Variants in SPECC1L observed in about 807,000 individuals in gnomAD.
The protein encoded by SPECC1L is cytospin-A.
Under a neutral mutation model 116.8 loss-of-function variants are expected in SPECC1L, and 40 were observed. The observed-to-expected ratio is 0.34, with a 90% CI of 0.27 to 0.45. The LOEUF (loss-of-function observed/expected upper bound fraction) is 0.45, where lower values mean the gene tolerates loss of function less well. SPECC1L is among the 20% of genes least tolerant of loss of function. SPECC1L has a pLI of 1.00. For synonymous variants in SPECC1L, 504 were observed against 500.6 expected (o/e 1.01, Z -0.09); for missense variants, 1,110 against 1,373.6 (o/e 0.81, Z 3.03).
At chr22:24,317,317 C>T (rs1277957250) in intron 4 of SPECC1L, among the ~76,000 whole-genome samples, 9 of 113,840 alleles carry the variant, frequency 7.9e-5, no homozygotes, top group Non-Finnish European at 1.4e-4. Flanking sequence ...GGGGGCTGAC[C>T]CCCCCCACCT....
At chr22:24,295,075 G>A (rs1569408494) in intron 2 of SPECC1L, among the ~76,000 whole-genome samples, 1 of 151,414 alleles carries the variant, frequency 6.6e-6, no homozygotes, top group Non-Finnish European at 1.5e-5. Flanking sequence ...GGAGCTTCCT[G>A]TGTGGCTGTG....
chr22:24,394,178 A>G (rs1320917985), intron 14 of SPECC1L, among the ~76,000 whole-genome samples: 12 of 152,002 alleles, frequency 7.9e-5, no homozygotes, highest in Admixed American at 7.2e-4. Flanking sequence ...TGTCTTAGTC[A>G]GTTTGGACTA....
At chr22:24,344,246 A>G (rs2041241915) in intron 10 of SPECC1L, among the ~76,000 whole-genome samples, 1 of 152,162 alleles carries the variant, frequency 6.6e-6, no homozygotes, top group Non-Finnish European at 1.5e-5. Context: ...GAATCCAGCA[A>G]TATATAAAAA....
chr22:24,321,643 G>A lies in SPECC1L; in HGVS notation c.663G>A (p.Glu221=), dbSNP rs1160198914. The A allele has an allele frequency of 6.2e-7, 1 of 1,614,090 alleles. No individual in the cohort carries two copies. Among genetic ancestry groups the A allele is most frequent in the East Asian group, 2.2e-5 (1 of 44,898 alleles). ...TGGGCATTAATGAGGATCATTCTGA[G>A]GGTGATGAAAAATCTGAGAAGGAAA... is the stretch of plus-strand genomic sequence containing the variant. ...AQLGINEDHS[E]GDEKSEKETI... The change falls in exon 5 of 17, where the codon GAG becomes GAA. Residue 221 remains glutamate, a synonymous_variant. Transcript: ENST00000314328.
intron 14 of SPECC1L, among the ~76,000 whole-genome samples, chr22:24,394,110 G>A (rs1456861869): frequency 3.3e-5 from 5 of 152,146 alleles, no homozygotes; most frequent in African/African-American, 1.2e-4. Context: ...GTTGTTTCCA[G>A]TTATTGCTTA....
intron 4 of SPECC1L, among the ~76,000 whole-genome samples, chr22:24,319,536 A>G (rs1399852571): frequency 1.3e-5 from 2 of 152,244 alleles, no homozygotes; most frequent in African/African-American, 2.4e-5. Context: ...TAATTTTCAT[A>G]AAATGTACTT....
chr22:24,392,573 T>A (rs529751891), intron 14 of SPECC1L, among the ~76,000 whole-genome samples: 1 of 152,358 alleles, frequency 6.6e-6, no homozygotes, highest in East Asian at 1.9e-4. Context: ...TTTGTAAAGA[T>A]GCCCTGTTGC....
At chr22:24,355,445 A>T (rs768634217) in intron 11 of SPECC1L, among the ~76,000 whole-genome samples, 31 of 146,940 alleles carry the variant, frequency 2.1e-4, no homozygotes, top group African/African-American at 8.1e-4. Context: ...CTGTCTGTCT[A>T]CCTACCTATC....
intron 2 of SPECC1L, among the ~76,000 whole-genome samples, chr22:24,279,478 C>T (rs2048900674): frequency 6.6e-6 from 1 of 152,206 alleles, no homozygotes; most frequent in Non-Finnish European, 1.5e-5. Context: ...ATCCCCTTGC[C>T]TCGGCCTCCC....
At chr22:24,342,444 G>A (rs1471301213) in intron 10 of SPECC1L, among the ~76,000 whole-genome samples, 2 of 151,972 alleles carry the variant, frequency 1.3e-5, no homozygotes, top group East Asian at 3.9e-4. Context: ...GCCAAGGCAG[G>A]TGGATCACCT....
chr22:24,285,261 T>C lies in SPECC1L; in HGVS notation c.-38+8458T>C, dbSNP rs1323280743. Among the ~76,000 whole-genome samples, 3 of 152,232 alleles carry C rather than the reference T, an allele frequency of 2.0e-5. No individual in the cohort carries two copies. In the East Asian group the frequency reaches 5.8e-4, roughly 29 times the overall value. The stretch of plus-strand genomic sequence containing the variant: ...TAGGATAAAGGGAAATTTGTCCTTC[T>C]GGTTGTAGTGGGAAGGAAAGGAGAT... On this transcript the variant is annotated intron_variant, in intron 2 of 16. Transcript: ENST00000314328.
chr22:24,294,386 T>G (rs2049216451), intron 2 of SPECC1L, among the ~76,000 whole-genome samples: 1 of 139,520 alleles, frequency 7.2e-6, no homozygotes, highest in Admixed American at 7.0e-5. Context: ...TCCTAGTCCT[T>G]TTTTTTTTTT....
intron 14 of SPECC1L, among the ~76,000 whole-genome samples, chr22:24,383,700 G>A (rs961456329): frequency 2.0e-5 from 3 of 150,174 alleles, no homozygotes; most frequent in South Asian, 4.2e-4. Flanking sequence ...ACAATGGTGC[G>A]ATCTCGGCTT....
chr22:24,348,420 C>T (rs1186327972), intron 11 of SPECC1L, among the ~76,000 whole-genome samples: 1 of 152,160 alleles, frequency 6.6e-6, no homozygotes, highest in Non-Finnish European at 1.5e-5. Context: ...GGCCCTATAC[C>T]TGTCAGTCTT....
chr22:24,292,031 G>A (rs916834142), intron 2 of SPECC1L, among the ~76,000 whole-genome samples: 2 of 152,204 alleles, frequency 1.3e-5, no homozygotes, highest in African/African-American at 4.8e-5. Context: ...AGTAGTGACA[G>A]CAATCAAGAT....
At position 24,415,137 on chromosome 22, in the gene SPECC1L, G is replaced by C. The variant is rs542775746; in HGVS notation, c.*514G>C. On this transcript the variant is annotated 3_prime_UTR_variant, in exon 17 of 17. Transcript: ENST00000314328. ...CCCTTCACCGTCCTAGTTTGGAGGA[G>C]CATGTTCACCACAGACGTGGGTCAG... is the stretch of plus-strand genomic sequence containing the variant. The C allele has an allele frequency of 3.6e-5, 7 of 195,032 alleles. No homozygotes were observed. In the South Asian group the frequency reaches 6.9e-4, roughly 19 times the overall value. The allele number at this position is 195,032 out of a possible 1,614,324, so 12.1% of individuals were successfully genotyped here.
intron 14 of SPECC1L, among the ~76,000 whole-genome samples, chr22:24,409,660 GTAA>G (rs944462383): frequency 1.3e-5 from 2 of 152,046 alleles, no homozygotes; most frequent in African/African-American, 4.8e-5. Flanking sequence ...TCTTTAAAAA[GTAA>G]TAATAAAAAA....
At chr22:24,379,526 G>A (rs2042026065) in intron 14 of SPECC1L, among the ~76,000 whole-genome samples, 2 of 152,132 alleles carry the variant, frequency 1.3e-5, no homozygotes, top group South Asian at 4.1e-4. Flanking sequence ...TATATAGAGA[G>A]AAATATATAT....
intron 3 of SPECC1L, among the ~76,000 whole-genome samples, chr22:24,307,709 T>C (rs564699207): frequency 6.6e-6 from 1 of 152,136 alleles, no homozygotes; most frequent in Admixed American, 6.5e-5. Context: ...TATTTTTTTC[T>C]TTTTCTTTTT....
Sources: allele counts gnomAD v4.1 joint callset (sites outside exome capture counted in the v4.1 genomes callset), GRCh38; gene constraint gnomAD v4.1.1; transcripts MANE v1.5; gene names NCBI Gene and HGNC (gene_info 2026-07-23, HGNC 2026-07-21).